The following SNX16 variants were observed in gnomAD, a reference collection of about 807,000 sequenced individuals.
SNX16 encodes the protein sorting nexin-16.
In SNX16, 35 loss-of-function variants were observed where a neutral mutation model predicts 36.7. The ratio of observed to expected loss-of-function variants is 0.95; its 90% confidence interval spans 0.73 to 1.27. The LOEUF (loss-of-function observed/expected upper bound fraction) is 1.27, where lower values mean the gene tolerates loss of function less well. Among genes scored for constraint, SNX16 ranks in the 50% most tolerant of loss-of-function variants. The pLI is 0.00. For synonymous variants in SNX16, 134 were observed against 132.0 expected, an observed-to-expected ratio of 1.02 and a Z score of -0.10; for missense variants, 367 against 393.6, an observed-to-expected ratio of 0.93 and a Z score of 0.57.
intron 5 of SNX16, chr8:81,807,984 C>G (rs989036811): frequency 1.2e-6 from 1 of 800,638 alleles, no homozygotes; most frequent in Non-Finnish European, 2.2e-6. Context: ...TGGATGCAGC[C>G]GTGAATGCAA....
At position 81,803,986 on chromosome 8, in the gene SNX16, T is replaced by G. The variant is rs146924971; in HGVS notation, c.682-758A>C. The stretch of plus-strand genomic sequence containing the variant: ...CAAATATATATATATAAATACAAGA[T>G]ACTGAAGTTGCAAATATCAAAATCA... On this transcript the variant is annotated intron_variant, in intron 5 of 7. Coordinates refer to ENST00000345957, the MANE Select transcript of SNX16 (RefSeq NM_152836.3). 1.0e-3 allele frequency among the ~76,000 whole-genome samples: 158 copies of G among 151,724 alleles called. 1 individual carries two copies. The highest frequency in any genetic ancestry group is 2.0e-3 in the Admixed American group (31 of 15,256).
At position 81,839,663 on chromosome 8, in the gene SNX16, A is replaced by T; in HGVS notation, c.324T>A (p.Ser108=). The T allele has an allele frequency of 6.2e-7, 1 of 1,613,874 alleles. No individual in the cohort carries two copies. The highest frequency in any genetic ancestry group is 8.5e-7 in the Non-Finnish European group (1 of 1,179,810). Residue 108 remains serine (S), a synonymous_variant, in exon 2 of 8, where the codon TCT becomes TCA. Coordinates refer to ENST00000345957, the MANE Select transcript of SNX16 (RefSeq NM_152836.3). ...PETVNWEDRP[S]TPTILGYEVM... is the part of the protein sequence containing the mutation. ...CTTCATAACCCAGTATAGTAGGTGT[A>T]GATGGTCTATCTTCCCAATTCACTG...
chr8:81,815,173 C>A, intron 5 of SNX16, 152 bp downstream of exon 5: 1 of 484,268 alleles, frequency 2.1e-6, no homozygotes, highest in Non-Finnish European at 3.5e-6. Context: ...CTGAAAGCAA[C>A]CTTTGACTCA....
intron 5 of SNX16, among the ~76,000 whole-genome samples, chr8:81,810,044 A>G (rs1013555142): frequency 1.3e-5 from 2 of 152,204 alleles, no homozygotes; most frequent in African/African-American, 4.8e-5. Flanking sequence ...GCTTCATTAC[A>G]TATTACAATT....
chr8:81,806,206 A>G (rs935598336), intron 5 of SNX16, among the ~76,000 whole-genome samples: 2 of 152,180 alleles, frequency 1.3e-5, no homozygotes, highest in Non-Finnish European at 2.9e-5. Flanking sequence ...TTATTTTATA[A>G]AACTGGTATA....
At chr8:81,831,299 G>C (rs1282384498) in intron 2 of SNX16, among the ~76,000 whole-genome samples, 1 of 152,146 alleles carries the variant, frequency 6.6e-6, no homozygotes, top group Non-Finnish European at 1.5e-5. Flanking sequence ...CACAGCAAAA[G>C]AAACTATCAA....
At chr8:81,817,926 G>C (rs1392482842) in intron 4 of SNX16, among the ~76,000 whole-genome samples, 1 of 152,008 alleles carries the variant, frequency 6.6e-6, no homozygotes, top group Non-Finnish European at 1.5e-5. Context: ...TACTGTGTTT[G>C]GGAAACCTAT....
intron 5 of SNX16, among the ~76,000 whole-genome samples, chr8:81,810,879 G>A (rs1810209857): frequency 6.6e-6 from 1 of 152,126 alleles, no homozygotes; most frequent in Non-Finnish European, 1.5e-5. Flanking sequence ...CCGATAGAGT[G>A]TATGAGAAAT....
chr8:81,826,033 C>G (rs934770037), intron 3 of SNX16, among the ~76,000 whole-genome samples: 1 of 85,962 alleles, frequency 1.2e-5, no homozygotes, highest in Non-Finnish European at 2.7e-5. Flanking sequence ...TTTTTTTTTC[C>G]CCTTAAAAAA....
At position 81,839,841 on chromosome 8, in the gene SNX16, A is replaced by G. The variant is rs878927454; in HGVS notation, c.146T>C (p.Met49Thr). 6.2e-7 allele frequency: 1 copy of G among 1,614,008 alleles called. No individual in the cohort carries two copies. Among genetic ancestry groups the G allele is most frequent in the South Asian group, 1.1e-5 (1 of 91,080 alleles). ...AACACTTGTCTGTTTAAAATTACCC[A>G]TATTTGAGTCTTCTAACTGGCCCTT... is the stretch of plus-strand genomic sequence containing the variant. ...SSKGQLEDSN[M>T]GNFKQTSVPD... The change falls in exon 2 of 8, where the codon ATG (methionine) becomes ACG (threonine). Residue 49 changes from methionine to threonine, a missense_variant. Physicochemically the swap from Met to Thr is moderately conservative, Grantham distance 81. Coordinates refer to ENST00000345957, the MANE Select transcript of SNX16 (RefSeq NM_152836.3).
intron 4 of SNX16, among the ~76,000 whole-genome samples, chr8:81,823,015 G>A (rs892994265): frequency 1.4e-5 from 2 of 145,322 alleles, no homozygotes; most frequent in Non-Finnish European, 3.0e-5. Flanking sequence ...TATATCGCAC[G>A]TGTGTCATGC....
At position 81,839,972 on chromosome 8, in the gene SNX16, A is replaced by T. The variant is rs761884749; in HGVS notation, c.15T>A (p.Tyr5Ter). MATP[Y>*]VPVPMPIGNS... Reference sequence around the variant, plus strand: ...TTCCTATGGGCATAGGAACTGGGACATAAGGAGTTGCCATCTTCTTTTGGC... The same window carrying T: ...TTCCTATGGGCATAGGAACTGGGACTTAAGGAGTTGCCATCTTCTTTTGGC... The change falls in exon 2 of 8, where the codon TAT becomes TAA. Residue 5 changes from tyrosine (Y) to a stop codon, truncating the protein, a stop_gained. Coordinates refer to ENST00000345957, the MANE Select transcript of SNX16 (RefSeq NM_152836.3). LOFTEE classifies it high-confidence loss of function. 6.2e-7 allele frequency: 1 copy of T among 1,605,964 alleles called. No homozygotes were observed. Among genetic ancestry groups the T allele is most frequent in the South Asian group, 1.1e-5 (1 of 90,296 alleles).
At position 81,801,596 on chromosome 8, in the gene SNX16, GCAA is replaced by G; in HGVS notation, c.939-6_939-4del. 8.8e-7 allele frequency: 1 copy of G among 1,133,564 alleles called. No homozygotes were observed. Among genetic ancestry groups the G allele is most frequent in the Non-Finnish European group, 1.1e-6 (1 of 880,086 alleles). 70.2% of individuals were successfully genotyped at this position (1,133,564 alleles called of 1,614,324 possible). On this transcript the variant is annotated splice_region_variant and splice_polypyrimidine_tract_variant and intron_variant, in intron 7 of 7. Transcript: ENST00000345957. ...TTAAGCATGGTTTATTATCAGCTCT[GCAA>G]AAAAAAAAAAAAAAGGAACATATCA...
chr8:81,830,578 G>GGA (rs1811212568), intron 2 of SNX16, among the ~76,000 whole-genome samples: 1 of 102,106 alleles, frequency 9.8e-6, no homozygotes, highest in Non-Finnish European at 2.0e-5. Flanking sequence ...CGTCTAGGGG[G>GGA]TAAAAAAAAA....
chr8:81,829,620 AT>A, intron 2 of SNX16, 104 bp from the exon 3 acceptor site: 1 of 414,164 alleles, frequency 2.4e-6, no homozygotes, highest in Non-Finnish European at 4.2e-6. Context: ...AACCCAGACT[AT>A]AACAATTATT....
intron 4 of SNX16, among the ~76,000 whole-genome samples, chr8:81,822,205 T>C (rs1246332197): frequency 6.6e-6 from 1 of 152,024 alleles, no homozygotes; most frequent in Non-Finnish European, 1.5e-5. Context: ...GCCAGTTACC[T>C]AACGAAGTGC....
intron 2 of SNX16, among the ~76,000 whole-genome samples, chr8:81,834,669 CA>C (rs2130759135): frequency 6.6e-6 from 1 of 152,290 alleles, no homozygotes; most frequent in South Asian, 2.1e-4. Flanking sequence ...GCAGGGTAGT[CA>C]AATCTTAAAG....
intron 5 of SNX16, among the ~76,000 whole-genome samples, chr8:81,806,732 T>C (rs1809968337): frequency 6.6e-6 from 1 of 152,100 alleles, no homozygotes. Context: ...AAAAAACACA[T>C]TGTTAATATT....
At chr8:81,840,908 T>A (rs1010374445) in intron 1 of SNX16, among the ~76,000 whole-genome samples, 1 of 152,034 alleles carries the variant, frequency 6.6e-6, no homozygotes, top group African/African-American at 2.4e-5. Flanking sequence ...AATAAACTCA[T>A]AAGAAACTGT....
Sources: gnomAD v4.1 joint callset for allele counts (sites outside exome capture counted in the v4.1 genomes callset) on GRCh38, gnomAD v4.1.1 for gene constraint, MANE v1.5 for transcripts, NCBI Gene and HGNC (gene_info 2026-07-23, HGNC 2026-07-21) for gene names.